COL5A2: variants seen among roughly 807,000 people sequenced by gnomAD.
The protein encoded by COL5A2 is collagen type V alpha 2 chain, also known as collagen alpha-2(V) chain.
Under a neutral mutation model 208.2 loss-of-function variants are expected in COL5A2, and 23 were observed. The observed-to-expected ratio is 0.11, with a 90% CI of 0.08 to 0.16. The LOEUF is 0.16. Among genes scored for constraint, COL5A2 ranks in the 10% least tolerant of loss-of-function variants. The pLI is 1.00. For synonymous variants in COL5A2, 625 were observed against 628.5 expected, an observed-to-expected ratio of 0.99 and a Z score of 0.08; for missense variants, 1,590 against 1,956.4, an observed-to-expected ratio of 0.81 and a Z score of 3.53.
the COL5A2 span, among the ~76,000 whole-genome samples, chr2:189,370,545 C>A: frequency 6.6e-6 from 1 of 152,050 alleles, no homozygotes; most frequent in African/African-American, 2.4e-5. Flanking sequence ...ATAAAACACA[C>A]ACACACAATC....
the COL5A2 span, among the ~76,000 whole-genome samples, chr2:189,333,542 C>A: frequency 3.9e-5 from 6 of 152,164 alleles, no homozygotes; most frequent in East Asian, 1.2e-3. Flanking sequence ...GAATTGTCTA[C>A]CCCCAAAATT....
chr2:189,332,348 A>C, the COL5A2 span, among the ~76,000 whole-genome samples: 1 of 152,210 alleles, frequency 6.6e-6, no homozygotes, highest in African/African-American at 2.4e-5. Context: ...CATTATTTTC[A>C]GGAATATATG....
At chr2:189,291,308 G>A in the COL5A2 span, among the ~76,000 whole-genome samples, 25 of 152,106 alleles carry the variant, frequency 1.6e-4, no homozygotes, top group South Asian at 2.1e-4. Flanking sequence ...TTTCGCTGCC[G>A]GTTTCTGAAT....
intron 1 of COL5A2, among the ~76,000 whole-genome samples, chr2:189,149,036 A>T (rs764694132): frequency 1.3e-5 from 2 of 152,186 alleles, no homozygotes; most frequent in Non-Finnish European, 2.9e-5. Context: ...CCCACTGGGG[A>T]GGCTGAGGCA....
In COL5A2 at chr2:189,034,903, A is replaced by T. The variant is rs1327314266; in HGVS notation, c.4353+13T>A. The T allele has an allele frequency of 2.5e-6, 4 of 1,613,744 alleles. No individual in the cohort carries two copies. The highest frequency in any genetic ancestry group is 1.6e-4 in the Middle Eastern group (1 of 6,080). On this transcript the variant is annotated intron_variant, in intron 53 of 53. Coordinates refer to ENST00000374866, the MANE Select transcript of COL5A2 (RefSeq NM_000393.5). ...TTCCTCAACCAGATCAATGTAGATC[A>T]AAAAGTACTTACAGAGCAAGTGTCT... is the stretch of plus-strand genomic sequence containing the variant.
At chr2:189,139,953 G>C (rs1291285792) in intron 1 of COL5A2, among the ~76,000 whole-genome samples, 1 of 151,912 alleles carries the variant, frequency 6.6e-6, no homozygotes, top group Non-Finnish European at 1.5e-5. Flanking sequence ...CGCACCTGTA[G>C]TCCCAGCTGC....
At chr2:189,200,736 A>G (rs2105856519) in intron 1 of COL5A2, among the ~76,000 whole-genome samples, 1 of 150,418 alleles carries the variant, frequency 6.6e-6, no homozygotes, top group Admixed American at 6.6e-5. Flanking sequence ...ATAAAGAGAT[A>G]TAATACATAA....
At chr2:189,358,430 A>G in the COL5A2 span, among the ~76,000 whole-genome samples, 1 of 152,216 alleles carries the variant, frequency 6.6e-6, no homozygotes, top group Non-Finnish European at 1.5e-5. Flanking sequence ...TCATAAGGCT[A>G]TAGCTGCTGT....
chr2:189,281,962 T>C, the COL5A2 span, among the ~76,000 whole-genome samples: 1 of 152,138 alleles, frequency 6.6e-6, no homozygotes, highest in Non-Finnish European at 1.5e-5. Flanking sequence ...GAAGGGTGGA[T>C]CACCTGAGGT....
chr2:189,232,821 G>A, the COL5A2 span, among the ~76,000 whole-genome samples: 1 of 151,622 alleles, frequency 6.6e-6, no homozygotes, highest in Non-Finnish European at 1.5e-5. Flanking sequence ...AGGAAGCAGA[G>A]CCTCACCAGA....
chr2:189,056,978 C>T lies in COL5A2; in HGVS notation c.2386G>A (p.Ala796Thr). ...GAEGTAGNDG[A>T]RGLPGPLGPP... ...AAAGGAATACTTTCACTTACTCTTG[C>T]ACCATCATTTCCAGCTGTGCCTTCA... The change falls in exon 35 of 54, where the codon GCA becomes ACA. Residue 796 changes from alanine (A) to threonine (T), a missense_variant. Ala to Thr is a moderately conservative substitution (Grantham distance 58). Coordinates refer to ENST00000374866, the MANE Select transcript of COL5A2 (RefSeq NM_000393.5). 2 of 1,613,966 alleles carry T rather than the reference C, an allele frequency of 1.2e-6. No homozygotes were observed. Among genetic ancestry groups the T allele is most frequent in the Non-Finnish European group, 1.7e-6 (2 of 1,179,914 alleles).
At chr2:189,161,705 C>T (rs1330280774) in intron 1 of COL5A2, among the ~76,000 whole-genome samples, 1 of 152,172 alleles carries the variant, frequency 6.6e-6, no homozygotes, top group Non-Finnish European at 1.5e-5. Flanking sequence ...ATATGCATAG[C>T]ACTGGAGCTG....
At chr2:189,099,451 C>A (rs1325377553) in intron 4 of COL5A2, among the ~76,000 whole-genome samples, 3 of 152,026 alleles carry the variant, frequency 2.0e-5, no homozygotes, top group African/African-American at 7.2e-5. Flanking sequence ...CTGGTGAAAC[C>A]CCGTCTTTAC....
chr2:189,206,578 C>A (rs1689146085), intron 1 of COL5A2, among the ~76,000 whole-genome samples: 1 of 152,156 alleles, frequency 6.6e-6, no homozygotes, highest in Non-Finnish European at 1.5e-5. Flanking sequence ...CCTGTTAAAA[C>A]CATGAAGGAC....
chr2:189,395,990 T>C, the COL5A2 span, among the ~76,000 whole-genome samples: 4 of 151,400 alleles, frequency 2.6e-5, no homozygotes, highest in South Asian at 8.3e-4. Flanking sequence ...TGTGGGTAAT[T>C]GTCAATACTA....
At chr2:189,163,995 G>A (rs1252365937) in intron 1 of COL5A2, among the ~76,000 whole-genome samples, 1 of 152,208 alleles carries the variant, frequency 6.6e-6, no homozygotes, top group Non-Finnish European at 1.5e-5. Context: ...AGCCTGTTTA[G>A]TCAAGGCCCT....
At chr2:189,114,630 T>TAA (rs1377944934) in intron 1 of COL5A2, among the ~76,000 whole-genome samples, 120 of 122,190 alleles carry the variant, frequency 9.8e-4, no homozygotes, top group African/African-American at 3.6e-3. Flanking sequence ...GGCCCAGGAC[T>TAA]TAAAAAAAAA....
At chr2:189,167,210 G>T (rs1238851709) in intron 1 of COL5A2, among the ~76,000 whole-genome samples, 3 of 152,148 alleles carry the variant, frequency 2.0e-5, no homozygotes, top group Non-Finnish European at 4.4e-5. Flanking sequence ...GAGGCACAAG[G>T]TAGCTCAGGT....
At chr2:189,412,565 T>G in the COL5A2 span, among the ~76,000 whole-genome samples, 1 of 152,218 alleles carries the variant, frequency 6.6e-6, no homozygotes, top group Admixed American at 6.5e-5. Context: ...CTGTCTGTAT[T>G]TTTGCAGTTG....
Sources: allele counts gnomAD v4.1 joint callset (sites outside exome capture counted in the v4.1 genomes callset), GRCh38; gene constraint gnomAD v4.1.1; transcripts MANE v1.5; gene names NCBI Gene and HGNC (gene_info 2026-07-23, HGNC 2026-07-21).